MGAT4C: variants seen among roughly 807,000 people sequenced by gnomAD.
MGAT4C encodes the protein alpha-1,3-mannosyl-glycoprotein 4-beta-N-acetylglucosaminyltransferase C.
In MGAT4C, 19 loss-of-function variants were observed where a neutral mutation model predicts 40.1. That is an observed-to-expected ratio of 0.47 (90% CI 0.33 to 0.70). MGAT4C has a LOEUF of 0.70. Ranked by LOEUF, MGAT4C falls within the 30% of genes least tolerant of loss-of-function variation. The pLI is 0.02. For missense variants in MGAT4C, 491 were observed against 563.2 expected (o/e 0.87, Z 1.30); for synonymous variants, 181 against 187.1 (o/e 0.97, Z 0.27).
chr12:86,190,937 A>G (rs577347828), intron 1 of MGAT4C, among the ~76,000 whole-genome samples: 44 of 152,206 alleles, frequency 2.9e-4, no homozygotes, highest in Non-Finnish European at 5.0e-4. Context: ...TGTAACTTAG[A>G]AATCATTTCC....
In MGAT4C at chr12:85,958,829, A is replaced by G. The variant is rs1015048258; in HGVS notation, c.*20460T>C. ...TTAGAGAGTTAAAAAAAGTAGCAAT[A>G]AAATACATTTTTAATTTAGTTAAGC... On this transcript the variant is annotated 3_prime_UTR_variant, in exon 5 of 5. Transcript: ENST00000611864. 1.3e-5 allele frequency: 2 copies of G among 152,114 alleles called. No individual in the cohort carries two copies. Among genetic ancestry groups the G allele is most frequent in the African/African-American group, 2.4e-5 (1 of 41,448 alleles). 9.4% of individuals were successfully genotyped at this position (152,114 alleles called of 1,614,324 possible).
intron 2 of MGAT4C, among the ~76,000 whole-genome samples, chr12:86,521,735 G>T (rs985768316): frequency 6.6e-6 from 1 of 152,004 alleles, no homozygotes; most frequent in African/African-American, 2.4e-5. Context: ...CTATTCATGA[G>T]CATGGAATGT....
intron 2 of MGAT4C, among the ~76,000 whole-genome samples, chr12:86,031,595 G>A (rs997411966): frequency 1.7e-4 from 26 of 151,746 alleles, no homozygotes; most frequent in Non-Finnish European, 2.9e-5. Flanking sequence ...TTCAAATGAT[G>A]TAAGGTTCAC....
chr12:86,097,438 T>A (rs1047914715), intron 1 of MGAT4C, among the ~76,000 whole-genome samples: 5 of 151,692 alleles, frequency 3.3e-5, no homozygotes, highest in African/African-American at 1.2e-4. Flanking sequence ...GTTGATTAAT[T>A]ACTGGTATCA....
chr12:86,700,070 T>TAGATAGATAAGAG lies in MGAT4C; in HGVS notation c.-229+27138_-229+27139insCTCTTATCTATCT, dbSNP rs1565933983. On this transcript the variant is annotated intron_variant, in intron 2 of 7. Transcript: ENST00000548651. ...TAGATAGATAGATAGATAGATAAGATAGATAGATAATGTAGATAGATGATA... is the reference window on the plus strand; with the variant it reads ...TAGATAGATAGATAGATAGATAAGATAGATAGATAAGAGAGATAGATAATGTAGATAGATGATA... Among the ~76,000 whole-genome samples, 32 of 150,036 alleles carry TAGATAGATAAGAG rather than the reference T, an allele frequency of 2.1e-4. No homozygotes were observed. The East Asian group carries it at 2.4e-3, about 11-fold the overall frequency.
At chr12:86,684,295 T>A (rs954749804) in intron 2 of MGAT4C, among the ~76,000 whole-genome samples, 1 of 152,182 alleles carries the variant, frequency 6.6e-6, no homozygotes, top group Admixed American at 6.5e-5. Flanking sequence ...GGTTTTCTGT[T>A]CCTGTGTTAA....
At chr12:86,824,551 T>G (rs1952766395) in intron 1 of MGAT4C, among the ~76,000 whole-genome samples, 1 of 151,226 alleles carries the variant, frequency 6.6e-6, no homozygotes. Context: ...TTGGAAAGTA[T>G]TCCCTGCAGA....
At chr12:86,030,958 T>C (rs969696115) in intron 2 of MGAT4C, among the ~76,000 whole-genome samples, 1 of 151,786 alleles carries the variant, frequency 6.6e-6, no homozygotes, top group Non-Finnish European at 1.5e-5. Flanking sequence ...GTGATAGTGT[T>C]TCATGTAACC....
chr12:86,082,896 C>T (rs1871104876), intron 1 of MGAT4C, among the ~76,000 whole-genome samples: 1 of 151,548 alleles, frequency 6.6e-6, no homozygotes. Context: ...TTTAAATTAT[C>T]AGTGCCAATG....
At chr12:86,152,923 G>A (rs839191) in intron 1 of MGAT4C, among the ~76,000 whole-genome samples, 121,754 of 152,086 alleles carry the variant, frequency 0.8, 49,302 homozygotes, top group East Asian at 1. Context: ...TCAGTCATCC[G>A]TGGGTCTATC....
chr12:86,100,283 T>C (rs188124501), intron 1 of MGAT4C, among the ~76,000 whole-genome samples: 6 of 151,648 alleles, frequency 4.0e-5, no homozygotes, highest in African/African-American at 1.4e-4. Context: ...GTTTTTGCTT[T>C]CTTTTTTCAT....
At chr12:86,491,924 A>G (rs1051939486) in intron 2 of MGAT4C, among the ~76,000 whole-genome samples, 6 of 152,126 alleles carry the variant, frequency 3.9e-5, no homozygotes, top group South Asian at 2.1e-4. Flanking sequence ...AATCTCCTTA[A>G]GCTGATAAGC....
At chr12:86,437,964 A>C (rs1957165822) in intron 2 of MGAT4C, among the ~76,000 whole-genome samples, 1 of 151,916 alleles carries the variant, frequency 6.6e-6, no homozygotes, top group African/African-American at 2.4e-5. Flanking sequence ...CGATAGCCCT[A>C]CAATGGCTTC....
chr12:86,135,866 G>A (rs1220440906), intron 1 of MGAT4C, among the ~76,000 whole-genome samples: 1 of 152,128 alleles, frequency 6.6e-6, no homozygotes, highest in Non-Finnish European at 1.5e-5. Context: ...GCTAAATTAC[G>A]ATGCATGTGA....
intron 1 of MGAT4C, among the ~76,000 whole-genome samples, chr12:86,775,375 G>T (rs931289597): frequency 6.6e-6 from 1 of 150,738 alleles, no homozygotes; most frequent in Admixed American, 6.6e-5. Context: ...TATTATACAA[G>T]CAATGCATAT....
intron 1 of MGAT4C, among the ~76,000 whole-genome samples, chr12:86,133,174 T>C (rs561599585): frequency 6.6e-6 from 1 of 152,214 alleles, no homozygotes; most frequent in South Asian, 2.1e-4. Context: ...ATTAGAAAAA[T>C]AAGCAGATAA....
chr12:86,629,283 G>A (rs1237689602), intron 2 of MGAT4C, among the ~76,000 whole-genome samples: 2 of 152,118 alleles, frequency 1.3e-5, no homozygotes, highest in Non-Finnish European at 2.9e-5. Context: ...AAGAGACTTA[G>A]ACTCCCACAA....
intron 3 of MGAT4C, among the ~76,000 whole-genome samples, chr12:86,337,212 GTGTT>G (rs1049566720): frequency 5.3e-4 from 81 of 152,168 alleles, no homozygotes; most frequent in African/African-American, 1.8e-3. Flanking sequence ...GAGTTACAAA[GTGTT>G]TGAAGAAAAC....
intron 2 of MGAT4C, among the ~76,000 whole-genome samples, chr12:86,571,552 A>T (rs1480528807): frequency 6.6e-6 from 1 of 152,070 alleles, no homozygotes; most frequent in East Asian, 1.9e-4. Context: ...CAAAATCCTT[A>T]ATAGAGTGGA....
Sources: gnomAD v4.1 joint callset for allele counts (sites outside exome capture counted in the v4.1 genomes callset) on GRCh38, gnomAD v4.1.1 for gene constraint, MANE v1.5 for transcripts, NCBI Gene and HGNC (gene_info 2026-07-23, HGNC 2026-07-21) for gene names.